KCNK12: variants seen among roughly 807,000 people sequenced by gnomAD.
KCNK12 encodes potassium two pore domain channel subfamily K member 12.
In KCNK12, 6 loss-of-function variants were observed where a neutral mutation model predicts 25.3. That is an observed-to-expected ratio of 0.24 (90% confidence interval 0.13 to 0.47). The LOEUF (loss-of-function observed/expected upper bound fraction) is 0.47. KCNK12 is among the 20% of genes least tolerant of loss of function. The probability of loss-of-function intolerance (pLI) is 0.99; values close to 1 mark genes in which losing one functional copy is unlikely to be tolerated. For missense variants in KCNK12, 444 were observed against 661.7 expected (o/e 0.67, Z 3.61); for synonymous variants, 331 against 311.1 (o/e 1.06, Z -0.67).
rs1198024595 is a variant in KCNK12 at position 47,520,850 on chromosome 2, CCACG to C, written c.*53_*56del. On this transcript the variant is annotated 3_prime_UTR_variant, in exon 2 of 2. Transcript: ENST00000327876. The surrounding 1 kb of genome is among the most constrained non-coding windows in gnomAD (Gnocchi z 5.0). ...GCCAGCAGTGACTGAGAGAAGCAAA[CCACG>C]CCCGGCGGCCCCGCGGCCTGGAGAG... 3 of 1,168,064 alleles carry C rather than the reference CCACG, an allele frequency of 2.6e-6. No individual in the cohort carries two copies. Among genetic ancestry groups the C allele is most frequent in the Non-Finnish European group, 3.2e-6 (3 of 927,800 alleles). The allele number at this position is 1,168,064 out of a possible 1,614,324, so 72.4% of individuals were successfully genotyped here. A position where few individuals can be genotyped will look rare whatever the true frequency, so the allele number is the denominator to read the frequency against.
In KCNK12 at chr2:47,520,189, A is replaced by T. The variant is rs1370106493; in HGVS notation, c.*718T>A. On this transcript the variant is annotated 3_prime_UTR_variant, in exon 2 of 2. Transcript: ENST00000327876. The surrounding 1 kb of genome is among the most constrained non-coding windows in gnomAD (Gnocchi z 5.0). ...GCAGCCTCACCGCTCCCCTCCTCAC[A>T]GGTGCCCTGGACCGCCCACCATTAG... The T allele has an allele frequency of 6.6e-6, 1 of 152,270 alleles. No individual in the cohort carries two copies. The highest frequency in any genetic ancestry group is 1.5e-5 in the Non-Finnish European group (1 of 68,128). The allele number at this position is 152,270 out of a possible 1,614,324, so 9.4% of individuals were successfully genotyped here.
In KCNK12 at chr2:47,538,307, G is replaced by C. The variant is rs1669118547; in HGVS notation, c.392-16499C>G. 6.6e-6 allele frequency among the ~76,000 whole-genome samples: 1 copy of C among 152,184 alleles called. No individual in the cohort carries two copies. Among genetic ancestry groups the C allele is most frequent in the South Asian group, 2.1e-4 (1 of 4,824 alleles). ...AAAAAATAGAGCAGGCTAAGAGGGT[G>C]AGGAGTGTGCGGGCAGGGAGGAGGC... On this transcript the variant is annotated intron_variant, in intron 1 of 1. Coordinates refer to ENST00000327876, the MANE Select transcript of KCNK12 (RefSeq NM_022055.2). The surrounding 1 kb of genome is among the most constrained non-coding windows in gnomAD (Gnocchi z 4.5).
chr2:47,552,718 G>C (rs1255544088), intron 1 of KCNK12, among the ~76,000 whole-genome samples: 1 of 151,892 alleles, frequency 6.6e-6, no homozygotes, highest in Non-Finnish European at 1.5e-5. Context: ...CAGTGAGCAG[G>C]GATCGCACCA....
At position 47,521,318 on chromosome 2, in the gene KCNK12, G is replaced by A. The variant is rs1235408861; in HGVS notation, c.882C>T (p.Leu294=). ...TGATGAGGATGGAGATGACGTTGAAGAGCGAGTAAATGCAGCACACGCCGA... is the reference window on the plus strand; with the variant it reads ...TGATGAGGATGGAGATGACGTTGAAAAGCGAGTAAATGCAGCACACGCCGA... ...ILLGVCCIYS[L]FNVISILIKQ... The change falls in exon 2 of 2, where the codon CTC becomes CTT. Residue 294 remains leucine (L), a synonymous_variant. Transcript: ENST00000327876. 6.2e-7 allele frequency: 1 copy of A among 1,613,446 alleles called. No homozygotes were observed. Among genetic ancestry groups the A allele is most frequent in the Admixed American group, 1.7e-5 (1 of 59,956 alleles).
At chr2:47,545,736 GAGA>G (rs1411520550) in intron 1 of KCNK12, among the ~76,000 whole-genome samples, 1 of 152,196 alleles carries the variant, frequency 6.6e-6, no homozygotes, top group Non-Finnish European at 1.5e-5. Flanking sequence ...AGGATTAAAT[GAGA>G]AGAAGTGTGT....
At position 47,512,826 on chromosome 2, in the gene KCNK12, G is replaced by A. The variant is rs879089203; in HGVS notation, c.*8081C>T. On this transcript the variant is annotated 3_prime_UTR_variant, in exon 2 of 2. Coordinates refer to ENST00000327876, the MANE Select transcript of KCNK12 (RefSeq NM_022055.2). ...GACTCACTTCCTGTTTCCAGCTGAA[G>A]TCTAAATCAATCCACTATCAACAGG... 2 of 181,252 alleles carry A rather than the reference G, an allele frequency of 1.1e-5. No homozygotes were observed. Among genetic ancestry groups the A allele is most frequent in the South Asian group, 2.4e-4 (2 of 8,338 alleles). 11.2% of individuals were successfully genotyped at this position (181,252 alleles called of 1,614,324 possible).
In KCNK12 at chr2:47,529,113, C is replaced by A. The variant is rs1668862048; in HGVS notation, c.392-7305G>T. 6.6e-6 allele frequency: 1 copy of A among 152,240 alleles called. No individual in the cohort carries two copies. The highest frequency in any genetic ancestry group is 2.4e-5 in the African/African-American group (1 of 41,440). The allele number at this position is 152,240 out of a possible 1,614,324, so 9.4% of individuals were successfully genotyped here. A position where few individuals can be genotyped will look rare whatever the true frequency, so the allele number is the denominator to read the frequency against. ...CCCGCTGGAGACTTTTCCTGCTGGG[C>A]TCTGCACTGTCAACTGTGAGAGAGG... On this transcript the variant is annotated intron_variant, in intron 1 of 1. Transcript: ENST00000327876. This position sits in a 1 kb window ranked among gnomAD's most constrained non-coding sequence, Gnocchi z 4.3.
chr2:47,523,863 C>T (rs1391718344), intron 1 of KCNK12, among the ~76,000 whole-genome samples: 1 of 152,198 alleles, frequency 6.6e-6, no homozygotes, highest in African/African-American at 2.4e-5. Flanking sequence ...CTGTGCTCTG[C>T]CAGTGGGGTG....
rs1668396270 is a variant in KCNK12 at position 47,511,265 on chromosome 2, TG to T, written c.*9641del. On this transcript the variant is annotated 3_prime_UTR_variant, in exon 2 of 2. Coordinates refer to ENST00000327876, the MANE Select transcript of KCNK12 (RefSeq NM_022055.2). This position sits in a 1 kb window ranked among gnomAD's most constrained non-coding sequence, Gnocchi z 4.3. ...AGAGTCAAGCAAATCTTCCATTTTT[TG>T]TTCCCCTGCTGCCAGAGCATGGCAG... is the stretch of plus-strand genomic sequence containing the variant. Among the ~76,000 whole-genome samples, 1 of 152,206 alleles carries T rather than the reference TG, an allele frequency of 6.6e-6. No individual in the cohort carries two copies. The highest frequency in any genetic ancestry group is 1.5e-5 in the Non-Finnish European group (1 of 68,036).
intron 1 of KCNK12, among the ~76,000 whole-genome samples, chr2:47,550,518 G>A (rs1669406518): frequency 6.6e-6 from 1 of 151,628 alleles, no homozygotes; most frequent in Admixed American, 6.6e-5. Context: ...GAGTAGCTGG[G>A]ATTACAAGCG....
At position 47,514,240 on chromosome 2, in the gene KCNK12, G is replaced by A. The variant is rs891685845; in HGVS notation, c.*6667C>T. Among the ~76,000 whole-genome samples the A allele has an allele frequency of 1.3e-5, 2 of 152,196 alleles. No homozygotes were observed. Among genetic ancestry groups the A allele is most frequent in the Admixed American group, 6.5e-5 (1 of 15,288 alleles). Reference sequence around the variant, plus strand: ...ACAGCTGCTTCTGAGAGCCTTCTCTGCCTACCCAGGCTGGGTGGCTGCCTC... The same window carrying A: ...ACAGCTGCTTCTGAGAGCCTTCTCTACCTACCCAGGCTGGGTGGCTGCCTC... On this transcript the variant is annotated 3_prime_UTR_variant, in exon 2 of 2. Transcript: ENST00000327876. The surrounding 1 kb of genome is among the most constrained non-coding windows in gnomAD (Gnocchi z 5.0).
rs1409125709 is a variant in KCNK12 at position 47,511,193 on chromosome 2, G to A, written c.*9714C>T. ...CTGGCTTTTGCTTGAATTAGCTAGT[G>A]AATTGCTGTGTGGCCTCCTTACTGA... is the stretch of plus-strand genomic sequence containing the variant. On this transcript the variant is annotated 3_prime_UTR_variant, in exon 2 of 2. Coordinates refer to ENST00000327876, the MANE Select transcript of KCNK12 (RefSeq NM_022055.2). The surrounding 1 kb of genome is among the most constrained non-coding windows in gnomAD (Gnocchi z 4.3). Among the ~76,000 whole-genome samples the A allele has an allele frequency of 6.6e-6, 1 of 152,150 alleles. No homozygotes were observed. The highest frequency in any genetic ancestry group is 1.5e-5 in the Non-Finnish European group (1 of 68,036).
At chr2:47,559,082 C>G (rs745398247) in intron 1 of KCNK12, among the ~76,000 whole-genome samples, 6 of 152,200 alleles carry the variant, frequency 3.9e-5, no homozygotes, top group Non-Finnish European at 5.9e-5. Context: ...TAGTTCAGAA[C>G]TGAACTTTTC....
rs1235110737 is a variant in KCNK12, at chr2:47,525,608, A to G, written c.392-3800T>C. On this transcript the variant is annotated intron_variant, in intron 1 of 1. Transcript: ENST00000327876. The surrounding 1 kb of genome is among the most constrained non-coding windows in gnomAD (Gnocchi z 4.1). Reference sequence around the variant, plus strand: ...TGCTTCATCAGGAGATGTGAGGGTGACATGGGTCACCAGAGGGTGACAAGT... The same window carrying G: ...TGCTTCATCAGGAGATGTGAGGGTGGCATGGGTCACCAGAGGGTGACAAGT... Among the ~76,000 whole-genome samples the G allele has an allele frequency of 6.6e-6, 1 of 152,208 alleles. No individual in the cohort carries two copies.
chr2:47,536,867 G>C (rs1370245513), intron 1 of KCNK12, among the ~76,000 whole-genome samples: 1 of 152,238 alleles, frequency 6.6e-6, no homozygotes, highest in Non-Finnish European at 1.5e-5. Context: ...ACGACATAGC[G>C]AGGCCAAGCT....
intron 1 of KCNK12, among the ~76,000 whole-genome samples, chr2:47,550,269 A>C (rs1321902992): frequency 3.9e-5 from 6 of 152,204 alleles, no homozygotes; most frequent in Admixed American, 3.9e-4. Flanking sequence ...GAAACTACAC[A>C]AAGGCACATC....
In KCNK12 at chr2:47,520,174, C is replaced by G. The variant is rs1052902928; in HGVS notation, c.*733G>C. ...CCCAGCAGGGCTCCTGCAGCCTCAC[C>G]GCTCCCCTCCTCACAGGTGCCCTGG... On this transcript the variant is annotated 3_prime_UTR_variant, in exon 2 of 2. Coordinates refer to ENST00000327876, the MANE Select transcript of KCNK12 (RefSeq NM_022055.2). This position sits in a 1 kb window ranked among gnomAD's most constrained non-coding sequence, Gnocchi z 5.0. 1 of 152,288 alleles carries G rather than the reference C, an allele frequency of 6.6e-6. No homozygotes were observed. Among genetic ancestry groups the G allele is most frequent in the Non-Finnish European group, 1.5e-5 (1 of 68,128 alleles). 9.4% of individuals were successfully genotyped at this position (152,288 alleles called of 1,614,324 possible).
chr2:47,553,842 C>T (rs1384931732), intron 1 of KCNK12, among the ~76,000 whole-genome samples: 1 of 152,196 alleles, frequency 6.6e-6, no homozygotes, highest in Non-Finnish European at 1.5e-5. Context: ...ACCTCACTCA[C>T]ACTGTTCTTT....
chr2:47,568,406 C>T (rs1669824533), intron 1 of KCNK12, among the ~76,000 whole-genome samples: 1 of 151,922 alleles, frequency 6.6e-6, no homozygotes, highest in Non-Finnish European at 1.5e-5. Context: ...ACCATAACAA[C>T]ATGATATAGC....
Sources: gnomAD v4.1 joint callset for allele counts (sites outside exome capture counted in the v4.1 genomes callset) on GRCh38, gnomAD v4.1.1 for gene constraint, Gnocchi (gnomAD v3.1) non-coding constraint, MANE v1.5 for transcripts, NCBI Gene and HGNC (gene_info 2026-07-23, HGNC 2026-07-21) for gene names.